The following DENND4C variants were observed in gnomAD, a reference collection of about 807,000 sequenced individuals.
DENND4C encodes the protein DENN domain containing 4C.
Under a neutral mutation model 203.0 loss-of-function variants are expected in DENND4C, and 108 were observed. The observed-to-expected ratio is 0.53, with a 90% CI of 0.46 to 0.62. The LOEUF (loss-of-function observed/expected upper bound fraction) is 0.62, where lower values mean the gene tolerates loss of function less well. Ranked by LOEUF, DENND4C falls within the 20% of genes least tolerant of loss-of-function variation. The pLI, the probability that DENND4C is intolerant of heterozygous loss-of-function variation, is 0.00. For missense variants in DENND4C, 2,481 were observed against 2,301.2 expected, an observed-to-expected ratio of 1.08 and a Z score of -1.60; for synonymous variants, 871 against 792.4, an observed-to-expected ratio of 1.10 and a Z score of -1.67.
At chr9:19,239,134 C>T (rs1344360780) in intron 1 of DENND4C, among the ~76,000 whole-genome samples, 2 of 152,020 alleles carry the variant, frequency 1.3e-5, no homozygotes, top group Non-Finnish European at 2.9e-5. Context: ...TTTCCCTCTA[C>T]TTCCCCTTGA....
At chr9:19,343,968 A>G (rs1822242670) in intron 22 of DENND4C, among the ~76,000 whole-genome samples, 1 of 152,190 alleles carries the variant, frequency 6.6e-6, no homozygotes, top group Non-Finnish European at 1.5e-5. Context: ...AAATATTGGG[A>G]CCAGCTTTCA....
intron 1 of DENND4C, among the ~76,000 whole-genome samples, chr9:19,247,636 C>T (rs568946849): frequency 6.6e-6 from 1 of 152,294 alleles, no homozygotes; most frequent in East Asian, 1.9e-4. Context: ...CTCAGGCATC[C>T]TCCCACCTTG....
intron 21 of DENND4C, 87 bp from the exon 22 acceptor site, chr9:19,342,546 A>C: frequency 7.3e-7 from 1 of 1,366,360 alleles, no homozygotes; most frequent in South Asian, 1.7e-5. Flanking sequence ...TTGGAGAAAA[A>C]TACATACAAT....
At chr9:19,322,237 T>G (rs1842997474) in intron 12 of DENND4C, among the ~76,000 whole-genome samples, 1 of 152,188 alleles carries the variant, frequency 6.6e-6, no homozygotes, top group Non-Finnish European at 1.5e-5. Context: ...TGCCTAGTTG[T>G]GGAACTTTTT....
intron 1 of DENND4C, among the ~76,000 whole-genome samples, chr9:19,235,410 A>C (rs1369617403): frequency 6.6e-6 from 1 of 152,248 alleles, no homozygotes; most frequent in Non-Finnish European, 1.5e-5. Context: ...GAAAATCAAA[A>C]TATAAATTCA....
chr9:19,360,947 C>T (rs1028330162), intron 29 of DENND4C, among the ~76,000 whole-genome samples: 3 of 152,164 alleles, frequency 2.0e-5, no homozygotes, highest in African/African-American at 7.2e-5. Context: ...GATCTCGGCT[C>T]ATTGCAGCCT....
chr9:19,324,354 T>C lies in DENND4C; in HGVS notation c.1808-8T>C. ...AATTTGAATTTAATTATATTTTGTT[T>C]TCCTCAGGATTTTTAAAAAGTCGAG... is the stretch of plus-strand genomic sequence containing the variant. On this transcript the variant is annotated splice_region_variant and splice_polypyrimidine_tract_variant and intron_variant, in intron 12 of 32. Transcript: ENST00000434457. The C allele has an allele frequency of 1.3e-6, 2 of 1,575,942 alleles. No individual in the cohort carries two copies. Among genetic ancestry groups the C allele is most frequent in the Non-Finnish European group, 1.7e-6 (2 of 1,166,280 alleles).
At chr9:19,335,521 C>G (rs1486494743) in intron 18 of DENND4C, among the ~76,000 whole-genome samples, 1 of 152,142 alleles carries the variant, frequency 6.6e-6, no homozygotes, top group Non-Finnish European at 1.5e-5. Context: ...CCCTTACCTC[C>G]CAAAGCCCCT....
rs1403131711 is a variant in DENND4C at position 19,342,654 on chromosome 9, T to C, written c.3026T>C (p.Ile1009Thr). ...CCAGAGGTGTGTGATGCCTCTGCTA[T>C]TGTGGCAAAACATTCACAACCTAGT... is the stretch of plus-strand genomic sequence containing the variant. ...QTEEVCDASAIVAKHSQPSPE... is the reference protein window; with the variant it reads ...QTEEVCDASATVAKHSQPSPE... Residue 1009 changes from isoleucine to threonine, a missense_variant, in exon 22 of 33, where the codon ATT becomes ACT. Ile to Thr is a moderately conservative substitution (Grantham distance 89). This residue lies in a region of DENND4C where 2,289 missense variants were observed against 2,113.3 expected (regional missense o/e 1.08). Coordinates refer to ENST00000434457, the MANE Select transcript of DENND4C (RefSeq NM_001330640.2). 3 of 1,608,396 alleles carry C rather than the reference T, an allele frequency of 1.9e-6. No homozygotes were observed. The highest frequency in any genetic ancestry group is 2.5e-6 in the Non-Finnish European group (3 of 1,178,018).
At chr9:19,240,672 C>A (rs201078265) in intron 1 of DENND4C, among the ~76,000 whole-genome samples, 66 of 143,826 alleles carry the variant, frequency 4.6e-4, no homozygotes, top group African/African-American at 4.1e-4. Flanking sequence ...TCTCAAAAAA[C>A]AAAAAAAAAA....
chr9:19,266,582 CAAG>C (rs1830547298), intron 1 of DENND4C, among the ~76,000 whole-genome samples: 1 of 152,142 alleles, frequency 6.6e-6, no homozygotes, highest in South Asian at 2.1e-4. Flanking sequence ...AACTATACTA[CAAG>C]GCTACAGTAA....
chr9:19,304,908 GTT>G (rs80168964), intron 9 of DENND4C, among the ~76,000 whole-genome samples: 5 of 141,148 alleles, frequency 3.5e-5, no homozygotes, highest in African/African-American at 2.6e-5. Context: ...AAAATAATTA[GTT>G]TTTTTTTTTT....
intron 26 of DENND4C, among the ~76,000 whole-genome samples, chr9:19,353,655 G>T (rs1824690250): frequency 6.6e-6 from 1 of 150,844 alleles, no homozygotes; most frequent in African/African-American, 2.4e-5. Context: ...CATTTAGGCT[G>T]GGCATGATGG....
chr9:19,237,700 G>A (rs1339904657), intron 1 of DENND4C, among the ~76,000 whole-genome samples: 1 of 152,148 alleles, frequency 6.6e-6, no homozygotes. Context: ...AAATCCAGTT[G>A]TACTTACTCA....
At chr9:19,314,097 A>G (rs1366685344) in intron 10 of DENND4C, among the ~76,000 whole-genome samples, 1 of 151,174 alleles carries the variant, frequency 6.6e-6, no homozygotes, top group Admixed American at 6.6e-5. Context: ...AGGGGAAAAA[A>G]AAGAATGATA....
intron 1 of DENND4C, among the ~76,000 whole-genome samples, chr9:19,235,087 C>A (rs1821601964): frequency 6.6e-6 from 1 of 151,858 alleles, no homozygotes; most frequent in Admixed American, 6.6e-5. Flanking sequence ...GCCTCAGGGT[C>A]CCTAGTAGCT....
chr9:19,312,967 C>G (rs971765338), intron 10 of DENND4C, among the ~76,000 whole-genome samples: 1 of 152,046 alleles, frequency 6.6e-6, no homozygotes, highest in Non-Finnish European at 1.5e-5. Flanking sequence ...TAACATTTGT[C>G]TTTTTATTGA....
chr9:19,367,094 T>C (rs151043958), intron 30 of DENND4C, among the ~76,000 whole-genome samples: 166 of 152,232 alleles, frequency 1.1e-3, no homozygotes, highest in African/African-American at 3.9e-3. Context: ...TCATGAAAAA[T>C]GCTCAACAGC....
Position 19,369,793 on chromosome 9 carries a change from A to G in DENND4C, c.5525-44A>G, listed in dbSNP as rs74472823. On this transcript the variant is annotated intron_variant, in intron 30 of 32. Transcript: ENST00000434457. ...AAAAAAAAAAAATAATAATAATAAT[A>G]ATAGTAATAATTGAAAAAAAACTTA... is the stretch of plus-strand genomic sequence containing the variant. 1.9e-3 allele frequency: 2,208 copies of G among 1,166,778 alleles called. 46 individuals are homozygous for G. The African/African-American group carries it at 0.032, about 17-fold the overall frequency. 72.3% of individuals were successfully genotyped at this position (1,166,778 alleles called of 1,614,324 possible). A position where few individuals can be genotyped will look rare whatever the true frequency, so the allele number is the denominator to read the frequency against.
Sources: gnomAD v4.1 joint callset for allele counts (sites outside exome capture counted in the v4.1 genomes callset) on GRCh38, gnomAD v4.1.1 for gene constraint, gnomAD v4.1.1 regional missense constraint, MANE v1.5 for transcripts, NCBI Gene and HGNC (gene_info 2026-07-23, HGNC 2026-07-21) for gene names.